KIZ: variants seen among roughly 807,000 people sequenced by gnomAD.
KIZ encodes centrosomal protein kizuna.
KIZ carries 68 observed loss-of-function variants against 79.6 expected under a neutral mutation model. That is an observed-to-expected ratio of 0.85 (90% CI 0.70 to 1.05). The LOEUF (loss-of-function observed/expected upper bound fraction) is 1.05. Among genes scored for constraint, KIZ ranks in the 50% least tolerant of loss-of-function variants. The pLI, the probability that KIZ is intolerant of heterozygous loss-of-function variation, is 0.00. For missense variants in KIZ, 797 were observed against 800.4 expected (o/e 1.00, Z 0.05); for synonymous variants, 280 against 281.8 (o/e 0.99, Z 0.06).
In KIZ at chr20:21,126,221, G is replaced by T; in HGVS notation, c.89+17G>T. The stretch of plus-strand genomic sequence containing the variant: ...GCGGGACAGGTAAGGGCACTGGGGC[G>T]GGGGTGGGGAGTCGGCCCGCGCCGG... On this transcript the variant is annotated intron_variant, in intron 1 of 12. Coordinates refer to ENST00000619189, the MANE Select transcript of KIZ (RefSeq NM_018474.6). 1.4e-6 allele frequency: 2 copies of T among 1,398,016 alleles called. No homozygotes were observed. The highest frequency in any genetic ancestry group is 1.9e-6 in the Non-Finnish European group (2 of 1,064,338). The allele number at this position is 1,398,016 out of a possible 1,614,324, so 86.6% of individuals were successfully genotyped here.
intron 9 of KIZ, 81 bp downstream of exon 9, chr20:21,215,729 G>A: frequency 1.1e-6 from 1 of 870,230 alleles, no homozygotes; most frequent in South Asian, 1.5e-5. Flanking sequence ...TCAGTGGTTT[G>A]TGGACCCCAC....
At chr20:21,126,080 C>A, upstream of KIZ, 2 of 1,494,636 alleles carry the variant, frequency 1.3e-6, no homozygotes, top group Non-Finnish European at 1.8e-6. Context: ...GAACGGCCAC[C>A]CAGAGGCTGT....
At position 21,176,754 on chromosome 20, in the gene KIZ, CAGAA is replaced by C. The variant is rs373539809; in HGVS notation, c.1352+13599_1352+13602del. ...TGCAAGAAAGGATAGGTAATGTAAA[CAGAA>C]AGATGGAAATTATAATAAAGAATAA... On this transcript the variant is annotated intron_variant, in intron 6 of 12. Coordinates refer to ENST00000619189, the MANE Select transcript of KIZ (RefSeq NM_018474.6). 1.9e-3 allele frequency among the ~76,000 whole-genome samples: 283 copies of C among 152,020 alleles called. 2 individuals are homozygous for C. The highest frequency in any genetic ancestry group is 6.5e-3 in the African/African-American group (270 of 41,436).
At chr20:21,204,812 A>G (rs1184121867) in intron 6 of KIZ, among the ~76,000 whole-genome samples, 1 of 152,234 alleles carries the variant, frequency 6.6e-6, no homozygotes, top group Non-Finnish European at 1.5e-5. Context: ...TTAATTTTTA[A>G]AAAACTGTAA....
intron 10 of KIZ, among the ~76,000 whole-genome samples, 161 bp downstream of exon 10, chr20:21,229,276 A>T (rs1269748945): frequency 6.6e-6 from 1 of 152,232 alleles, no homozygotes; most frequent in Non-Finnish European, 1.5e-5. Context: ...TAGCAAATGG[A>T]CATGTGGAAA....
chr20:21,153,379 C>G (rs758900600), intron 4 of KIZ, among the ~76,000 whole-genome samples: 2 of 151,956 alleles, frequency 1.3e-5, no homozygotes, highest in Non-Finnish European at 2.9e-5. Context: ...GGTGACAATT[C>G]GTAAAGATTG....
At chr20:21,131,021 T>G (rs528022876) in intron 1 of KIZ, among the ~76,000 whole-genome samples, 4 of 152,350 alleles carry the variant, frequency 2.6e-5, no homozygotes, top group Admixed American at 1.3e-4. Context: ...ATGTGGTTTC[T>G]TTTTTGGCCT....
chr20:21,220,576 C>T (rs1398477942), intron 9 of KIZ, among the ~76,000 whole-genome samples: 4 of 152,190 alleles, frequency 2.6e-5, no homozygotes, highest in African/African-American at 9.6e-5. Context: ...CTCTGCCTCC[C>T]GGGTTCAAGC....
Position 21,162,884 on chromosome 20 carries a change from G to T in KIZ, c.1077G>T (p.Lys359Asn). Residue 359 changes from lysine to asparagine, a missense_variant, in exon 6 of 13, where the codon AAG (lysine) becomes AAT (asparagine). Transcript: ENST00000619189. ...CTCACAGGGAACCAAAGTCACAAAAGCCCTTCAGAAAAATGCAGGAAGAGG... is the reference window on the plus strand; with the variant it reads ...CTCACAGGGAACCAAAGTCACAAAATCCCTTCAGAAAAATGCAGGAAGAGG... ...HLAHREPKSQ[K>N]PFRKMQEEEE... is the part of the protein sequence containing the mutation. 1 of 1,613,452 alleles carries T rather than the reference G, an allele frequency of 6.2e-7. No homozygotes were observed. Among genetic ancestry groups the T allele is most frequent in the Non-Finnish European group, 8.5e-7 (1 of 1,179,692 alleles).
At position 21,162,017 on chromosome 20, in the gene KIZ, G is replaced by T; in HGVS notation, c.552G>T (p.Lys184Asn). Residue 184 changes from lysine to asparagine, a missense_variant, in exon 5 of 13, where the codon AAG (lysine) becomes AAT (asparagine). Lys to Asn is a moderately conservative substitution (Grantham distance 94, BLOSUM62 0). Coordinates refer to ENST00000619189, the MANE Select transcript of KIZ (RefSeq NM_018474.6). ...STEHKSPQPT[K>N]NFSIPDPHSH... ...AGCACAAATCTCCCCAGCCCACAAAGAACTTTTCAATTCCTGACCCACATT... is the reference window on the plus strand; with the variant it reads ...AGCACAAATCTCCCCAGCCCACAAATAACTTTTCAATTCCTGACCCACATT... 2.5e-6 allele frequency: 4 copies of T among 1,613,908 alleles called. No individual in the cohort carries two copies. Among genetic ancestry groups the T allele is most frequent in the Non-Finnish European group, 2.5e-6 (3 of 1,179,854 alleles).
chr20:21,208,353 T>C (rs925301703), intron 7 of KIZ, among the ~76,000 whole-genome samples: 1 of 152,230 alleles, frequency 6.6e-6, no homozygotes, highest in African/African-American at 2.4e-5. Flanking sequence ...CATTCTGATC[T>C]CATTTTAGTG....
intron 11 of KIZ, among the ~76,000 whole-genome samples, chr20:21,239,351 G>A (rs980336669): frequency 2.0e-4 from 30 of 152,278 alleles, no homozygotes; most frequent in African/African-American, 6.0e-4. Context: ...CCTGTGGGGC[G>A]GGTGTCTACA....
chr20:21,232,888 A>G (rs1600609818), intron 11 of KIZ, 58 bp downstream of exon 11: 1 of 773,546 alleles, frequency 1.3e-6, no homozygotes, highest in African/African-American at 1.7e-5. Flanking sequence ...GTCACAGCGC[A>G]ATGAATTAAA....
chr20:21,139,760 A>T (rs555948956), intron 3 of KIZ, among the ~76,000 whole-genome samples: 1 of 152,174 alleles, frequency 6.6e-6, no homozygotes, highest in African/African-American at 2.4e-5. Flanking sequence ...GCTTAAGACT[A>T]TCAACATGGG....
In KIZ at chr20:21,132,025, A is replaced by G. The variant is rs78858366; in HGVS notation, c.90-72A>G. ...CCTTGCAACAAAGCCATTATTTCAA[A>G]GAAGAGCATGGTCTAAATCCAACTC... On this transcript the variant is annotated intron_variant, in intron 1 of 12. Transcript: ENST00000619189. 2.6e-3 allele frequency: 1,815 copies of G among 706,016 alleles called. 22 individuals carry two copies. The African/African-American group carries it at 0.03, about 12-fold the overall frequency. 43.7% of individuals were successfully genotyped at this position (706,016 alleles called of 1,614,324 possible).
At chr20:21,174,583 T>C (rs2034356685) in intron 6 of KIZ, among the ~76,000 whole-genome samples, 3 of 152,354 alleles carry the variant, frequency 2.0e-5, no homozygotes, top group African/African-American at 7.2e-5. Flanking sequence ...TTGATTTTTG[T>C]GCTTTCCAAC....
chr20:21,136,661 G>A, intron 3 of KIZ, 109 bp downstream of exon 3: 2 of 730,540 alleles, frequency 2.7e-6, no homozygotes, highest in South Asian at 2.3e-5. Context: ...TTGAACACCT[G>A]GGCTCAAGCA....
intron 6 of KIZ, among the ~76,000 whole-genome samples, chr20:21,171,683 G>C (rs948033266): frequency 1.3e-5 from 2 of 152,194 alleles, no homozygotes; most frequent in African/African-American, 4.8e-5. Flanking sequence ...GTCCTTAGGT[G>C]ATCCACCCAC....
At chr20:21,132,256 A>G (rs1261096748) in intron 2 of KIZ, 97 bp downstream of exon 2, 1 of 647,130 alleles carries the variant, frequency 1.5e-6, no homozygotes, top group East Asian at 3.0e-5. Context: ...TAGTTAGAGT[A>G]CTGGGTTTTT....
Sources: gnomAD v4.1 joint callset for allele counts (sites outside exome capture counted in the v4.1 genomes callset) on GRCh38, gnomAD v4.1.1 for gene constraint, MANE v1.5 for transcripts, NCBI Gene and HGNC (gene_info 2026-07-23, HGNC 2026-07-21) for gene names.